Variants in GABBR2 observed in about 807,000 individuals in gnomAD.
GABBR2 encodes gamma-aminobutyric acid type B receptor subunit 2, also known as G-protein coupled receptor 51.
GABBR2 carries 23 observed loss-of-function variants against 105.6 expected under a neutral mutation model. The ratio of observed to expected loss-of-function variants is 0.22; its 90% CI spans 0.16 to 0.31. The LOEUF is 0.31. Among genes scored for constraint, GABBR2 ranks in the 10% least tolerant of loss-of-function variants. GABBR2 has a pLI of 1.00. For synonymous variants in GABBR2, 478 were observed against 499.7 expected, an observed-to-expected ratio of 0.96 and a Z score of 0.58; for missense variants, 734 against 1,245.5, an observed-to-expected ratio of 0.59 and a Z score of 6.18.
intron 6 of GABBR2, among the ~76,000 whole-genome samples, chr9:98,467,225 A>G (rs150676947): frequency 0.011 from 1,718 of 152,294 alleles, 28 homozygotes; most frequent in African/African-American, 0.04. Context: ...TTGTTGTGTT[A>G]CAGAGCTTAG....
chr9:98,677,832 C>T (rs956015799), intron 1 of GABBR2, among the ~76,000 whole-genome samples: 4 of 152,142 alleles, frequency 2.6e-5, no homozygotes, highest in African/African-American at 9.7e-5. Context: ...TCCTCCCATC[C>T]AATCTCTGCT....
chr9:98,622,483 A>G lies in GABBR2; in HGVS notation c.322-44411T>C, dbSNP rs551278172. ...AACAGAAACCCCCAGTCATGATAGAAAAGAAGGAAAGCAATAAATGTTTGT... is the reference window on the plus strand; with the variant it reads ...AACAGAAACCCCCAGTCATGATAGAGAAGAAGGAAAGCAATAAATGTTTGT... On this transcript the variant is annotated intron_variant, in intron 1 of 18. Transcript: ENST00000259455. Among the ~76,000 whole-genome samples the G allele has an allele frequency of 7.3e-5, 11 of 150,588 alleles. No individual in the cohort carries two copies. The East Asian group carries it at 2.1e-3, about 29-fold the overall frequency.
In GABBR2 at chr9:98,616,331, C is replaced by T. The variant is rs543783935; in HGVS notation, c.322-38259G>A. On this transcript the variant is annotated intron_variant, in intron 1 of 18. Coordinates refer to ENST00000259455, the MANE Select transcript of GABBR2 (RefSeq NM_005458.8). ...GCTGGCTATCAACCCTACACTTGTT[C>T]CTAATTGGTTGACTTGCTGTAGTCT... Among the ~76,000 whole-genome samples, 20 of 152,318 alleles carry T rather than the reference C, an allele frequency of 1.3e-4. 1 individual carries two copies. In the South Asian group the frequency reaches 2.9e-3, roughly 22 times the overall value.
intron 4 of GABBR2, among the ~76,000 whole-genome samples, chr9:98,491,483 T>C (rs1158632672): frequency 6.6e-6 from 1 of 152,246 alleles, no homozygotes; most frequent in South Asian, 2.1e-4. Flanking sequence ...CTGGTTTTCA[T>C]GTTTGTTTTC....
intron 13 of GABBR2, among the ~76,000 whole-genome samples, chr9:98,350,414 T>A (rs55658076): frequency 6.6e-6 from 1 of 152,194 alleles, no homozygotes; most frequent in African/African-American, 2.4e-5. Flanking sequence ...TTGCTGTATC[T>A]CATAGGTTTT....
chr9:98,375,743 T>TC (rs71906492), intron 11 of GABBR2, among the ~76,000 whole-genome samples: 1 of 151,800 alleles, frequency 6.6e-6, no homozygotes, highest in East Asian at 1.9e-4. Context: ...CTTGGAAGAC[T>TC]CCCCCCCTTC....
chr9:98,495,764 G>A (rs1827265423), intron 4 of GABBR2, among the ~76,000 whole-genome samples: 1 of 152,160 alleles, frequency 6.6e-6, no homozygotes, highest in Non-Finnish European at 1.5e-5. Context: ...GGTGGGATGA[G>A]TCACTTCCTC....
intron 8 of GABBR2, among the ~76,000 whole-genome samples, chr9:98,402,417 T>A (rs1200834943): frequency 2.6e-5 from 4 of 152,064 alleles, no homozygotes; most frequent in Non-Finnish European, 5.9e-5. Context: ...GGGAGGAGCA[T>A]GGAATCTGGA....
intron 12 of GABBR2, among the ~76,000 whole-genome samples, chr9:98,367,592 A>C (rs1350182826): frequency 6.6e-6 from 1 of 152,196 alleles, no homozygotes; most frequent in Non-Finnish European, 1.5e-5. Flanking sequence ...TGAACTGCCA[A>C]AGGCTTTCAG....
At chr9:98,553,115 C>T (rs1374996199) in intron 2 of GABBR2, among the ~76,000 whole-genome samples, 2 of 151,978 alleles carry the variant, frequency 1.3e-5, no homozygotes, top group Non-Finnish European at 2.9e-5. Context: ...AACTCTTGGC[C>T]TCAAGTGATC....
At chr9:98,359,109 A>G (rs372791288) in intron 13 of GABBR2, among the ~76,000 whole-genome samples, 1 of 152,226 alleles carries the variant, frequency 6.6e-6, no homozygotes, top group South Asian at 2.1e-4. Context: ...TACCTGGCAC[A>G]TGACGAGTGC....
At chr9:98,617,722 A>T (rs1829607269) in intron 1 of GABBR2, among the ~76,000 whole-genome samples, 2 of 152,178 alleles carry the variant, frequency 1.3e-5, no homozygotes, top group South Asian at 4.1e-4. Context: ...CAGGAGACCT[A>T]GGCCATTTGT....
intron 8 of GABBR2, among the ~76,000 whole-genome samples, chr9:98,394,534 T>C (rs1392961357): frequency 6.6e-6 from 1 of 152,236 alleles, no homozygotes; most frequent in Non-Finnish European, 1.5e-5. Flanking sequence ...CTCTGTCTGG[T>C]ACCAAGTTCT....
chr9:98,321,725 G>C (rs1056677728), intron 13 of GABBR2, among the ~76,000 whole-genome samples: 1 of 152,216 alleles, frequency 6.6e-6, no homozygotes, highest in African/African-American at 2.4e-5. Context: ...GGTACAGTAA[G>C]ATCCTGACAG....
intron 6 of GABBR2, among the ~76,000 whole-genome samples, chr9:98,457,545 A>G (rs998021071): frequency 6.6e-6 from 1 of 152,174 alleles, no homozygotes; most frequent in Non-Finnish European, 1.5e-5. Flanking sequence ...AAACTCATCT[A>G]TCTCAAAAAA....
intron 17 of GABBR2, among the ~76,000 whole-genome samples, chr9:98,296,657 G>A (rs1830387694): frequency 6.6e-6 from 1 of 152,172 alleles, no homozygotes; most frequent in Non-Finnish European, 1.5e-5. Context: ...TTTCATAAGT[G>A]TAAGAACAAT....
At chr9:98,615,106 G>A (rs909844624) in intron 1 of GABBR2, among the ~76,000 whole-genome samples, 4 of 152,198 alleles carry the variant, frequency 2.6e-5, no homozygotes, top group Non-Finnish European at 5.9e-5. Flanking sequence ...TCAGCCCTGG[G>A]CTGGCTGGCC....
chr9:98,293,294 T>G (rs1830329598), intron 18 of GABBR2, among the ~76,000 whole-genome samples: 3 of 152,154 alleles, frequency 2.0e-5, no homozygotes, highest in African/African-American at 7.2e-5. Flanking sequence ...GTGCTTTTCC[T>G]CCAAAGCTCC....
At chr9:98,471,903 T>C (rs1317152334) in intron 6 of GABBR2, among the ~76,000 whole-genome samples, 1 of 152,232 alleles carries the variant, frequency 6.6e-6, no homozygotes, top group Admixed American at 6.5e-5. Context: ...AAATGTTATA[T>C]ATGCATTGAT....
Sources: gnomAD v4.1 joint callset for allele counts (sites outside exome capture counted in the v4.1 genomes callset) on GRCh38, gnomAD v4.1.1 for gene constraint, MANE v1.5 for transcripts, NCBI Gene and HGNC (gene_info 2026-07-23, HGNC 2026-07-21) for gene names.